MPRIP: variants seen among roughly 807,000 people sequenced by gnomAD.
The protein encoded by MPRIP is myosin phosphatase Rho interacting protein, also known as myosin phosphatase Rho-interacting protein.
In MPRIP, 59 loss-of-function variants were observed where a neutral mutation model predicts 234.9. The ratio of observed to expected loss-of-function variants is 0.25; its 90% CI spans 0.20 to 0.31. MPRIP has a LOEUF of 0.31. Among genes scored for constraint, MPRIP ranks in the 10% least tolerant of loss-of-function variants. The probability of loss-of-function intolerance (pLI) is 1.00; values close to 1 mark genes in which losing one functional copy is unlikely to be tolerated. For missense variants in MPRIP, 2,436 were observed against 3,071.0 expected (o/e 0.79, Z 4.89); for synonymous variants, 1,144 against 1,263.9 (o/e 0.91, Z 2.01).
In MPRIP at chr17:17,177,309, G is replaced by A. The variant is rs765899792; in HGVS notation, c.7017G>A (p.Lys2339=). ...KDIYTELSIA[K]AKADCDISRL... Reference sequence around the variant, plus strand: ...TCTACACAGAGCTCAGCATCGCGAAGGCTAAGGCTGACTGTGACATCAGCA... The same window carrying A: ...TCTACACAGAGCTCAGCATCGCGAAAGCTAAGGCTGACTGTGACATCAGCA... The change falls in exon 22 of 24, where the codon AAG becomes AAA. Residue 2339 remains lysine, a synonymous_variant. Coordinates refer to ENST00000651222, the MANE Select transcript of MPRIP (RefSeq NM_001364716.4). 1 of 1,614,050 alleles carries A rather than the reference G, an allele frequency of 6.2e-7. No homozygotes were observed. The highest frequency in any genetic ancestry group is 1.6e-4 in the Middle Eastern group (1 of 6,062).
intron 1 of MPRIP, among the ~76,000 whole-genome samples, chr17:17,063,096 G>A (rs2088915475): frequency 6.6e-6 from 1 of 152,256 alleles, no homozygotes; most frequent in Non-Finnish European, 1.5e-5. Flanking sequence ...ACTCCTGGGT[G>A]CTGACCAGCG....
In MPRIP at chr17:17,190,621, C is replaced by T. The variant is rs1365210656; in HGVS notation, c.*5727C>T. The stretch of plus-strand genomic sequence containing the variant: ...TTCAGAACTGTGAGCTTCAAGTATT[C>T]TTGCTTCTCTGTAAAGGGAAGACAT... On this transcript the variant is annotated 3_prime_UTR_variant, in exon 24 of 24. Coordinates refer to ENST00000651222, the MANE Select transcript of MPRIP (RefSeq NM_001364716.4). The T allele has an allele frequency of 6.6e-6, 1 of 152,216 alleles. No homozygotes were observed. Among genetic ancestry groups the T allele is most frequent in the East Asian group, 1.9e-4 (1 of 5,200 alleles). The allele number at this position is 152,216 out of a possible 1,614,324, so 9.4% of individuals were successfully genotyped here.
intron 16 of MPRIP, 156 bp from the exon 17 acceptor site, chr17:17,171,562 G>A (rs2046135143): frequency 1.2e-6 from 1 of 845,650 alleles, no homozygotes; most frequent in African/African-American, 1.7e-5. Flanking sequence ...ACAGCCCCAG[G>A]GATCCTGTTC....
At position 17,175,534 on chromosome 17, in the gene MPRIP, A is replaced by G. The variant is rs2046236906; in HGVS notation, c.6870+122A>G. On this transcript the variant is annotated intron_variant, in intron 20 of 23. Transcript: ENST00000651222. The stretch of plus-strand genomic sequence containing the variant: ...ACAGACCTGAGACAGCAGGAGTCAC[A>G]GGGTCCAGGAAGATCCAAATCACCC... 7 of 1,298,132 alleles carry G rather than the reference A, an allele frequency of 5.4e-6. No individual in the cohort carries two copies. The Admixed American group carries it at 1.5e-4, about 28-fold the overall frequency. The allele number at this position is 1,298,132 out of a possible 1,614,324, so 80.4% of individuals were successfully genotyped here. A position where few individuals can be genotyped will look rare whatever the true frequency, so the allele number is the denominator to read the frequency against.
At chr17:17,103,762 A>C (rs1254850835) in intron 3 of MPRIP, among the ~76,000 whole-genome samples, 1 of 152,214 alleles carries the variant, frequency 6.6e-6, no homozygotes, top group Non-Finnish European at 1.5e-5. Context: ...GCAGGAAAAC[A>C]GATTGGTTTT....
chr17:17,180,866 C>T (rs929707978), intron 23 of MPRIP, among the ~76,000 whole-genome samples: 2 of 152,264 alleles, frequency 1.3e-5, no homozygotes, highest in African/African-American at 2.4e-5. Context: ...TGAGGTGCTC[C>T]TCTAGCCTGG....
At chr17:17,059,889 C>T (rs2088820097) in intron 1 of MPRIP, among the ~76,000 whole-genome samples, 1 of 152,156 alleles carries the variant, frequency 6.6e-6, no homozygotes, top group Non-Finnish European at 1.5e-5. Flanking sequence ...GCAGTCCTGG[C>T]ATAATTAGCA....
At chr17:17,139,651 C>T (rs2090773273) in intron 7 of MPRIP, among the ~76,000 whole-genome samples, 1 of 152,204 alleles carries the variant, frequency 6.6e-6, no homozygotes, top group Non-Finnish European at 1.5e-5. Flanking sequence ...ACATCCTGCC[C>T]CCTTTTCTTC....
rs542209315 is a variant in MPRIP, at chr17:17,138,881, A to G, written c.1250+452A>G. Among the ~76,000 whole-genome samples the G allele has an allele frequency of 3.3e-5, 5 of 152,334 alleles. No homozygotes were observed. Among genetic ancestry groups the G allele is most frequent in the African/African-American group, 1.2e-4 (5 of 41,578 alleles). ...GGCACTGAGAGGTTCAGAGGCAGAC[A>G]GGCATGCCCAGGAAGGTGGGGGCAG... is the stretch of plus-strand genomic sequence containing the variant. On this transcript the variant is annotated intron_variant, in intron 7 of 23. Transcript: ENST00000651222. The surrounding 1 kb of genome is among the most constrained non-coding windows in gnomAD (Gnocchi z 5.8).
chr17:17,079,367 T>C (rs1448937926), intron 3 of MPRIP, among the ~76,000 whole-genome samples: 1 of 152,216 alleles, frequency 6.6e-6, no homozygotes, highest in Non-Finnish European at 1.5e-5. Context: ...GGTAGTGTAC[T>C]GGAGGTGAGC....
intron 3 of MPRIP, among the ~76,000 whole-genome samples, chr17:17,117,685 T>C (rs1012965838): frequency 1.2e-4 from 18 of 152,280 alleles, no homozygotes; most frequent in African/African-American, 4.3e-4. Context: ...TTTGTGTATA[T>C]GTTCGAGTAC....
intron 10 of MPRIP, 24 bp from the exon 11 acceptor site, chr17:17,147,295 C>G: frequency 6.2e-7 from 1 of 1,612,418 alleles, no homozygotes; most frequent in South Asian, 1.1e-5. Context: ...GTAGTCGAGT[C>G]ATTTTTCTTT....
intron 15 of MPRIP, 70 bp downstream of exon 15, chr17:17,161,426 C>A: frequency 1.7e-6 from 2 of 1,201,014 alleles, no homozygotes; most frequent in Non-Finnish European, 2.4e-6. Flanking sequence ...CATGCTCAGG[C>A]AGGCTAGGAG....
At chr17:17,079,731 A>T (rs571894470) in intron 3 of MPRIP, among the ~76,000 whole-genome samples, 1 of 152,332 alleles carries the variant, frequency 6.6e-6, no homozygotes, top group Admixed American at 6.5e-5. Flanking sequence ...TCAGTCAGGA[A>T]ATCTTTCTTT....
intron 1 of MPRIP, among the ~76,000 whole-genome samples, chr17:17,050,841 G>A (rs2088516830): frequency 6.6e-6 from 1 of 152,178 alleles, no homozygotes; most frequent in Admixed American, 6.5e-5. Context: ...TGAGGGCCGT[G>A]GTGGGCAGGC....
At chr17:17,170,177 A>G (rs1339033823) in intron 16 of MPRIP, 1 of 147,986 alleles carries the variant, frequency 6.8e-6, no homozygotes, top group African/African-American at 2.5e-5. Context: ...TTCATGAAGT[A>G]TTCCATATAT....
intron 1 of MPRIP, among the ~76,000 whole-genome samples, chr17:17,074,487 A>G (rs1008890582): frequency 2.6e-5 from 4 of 152,258 alleles, no homozygotes; most frequent in African/African-American, 7.2e-5. Context: ...AAGTTGAGCT[A>G]TAATTCACAT....
Position 17,165,728 on chromosome 17 carries a change from C to T in MPRIP, c.4137C>T (p.Tyr1379=), listed in dbSNP as rs1474314422. The part of the protein sequence containing the change: ...VLPATGDSDT[Y]LSIIHSLETK... ...CTGCAACTGGCGACTCTGACACGTACCTCTCCATCATCCACTCCCTGGAGA... is the reference window on the plus strand; with the variant it reads ...CTGCAACTGGCGACTCTGACACGTATCTCTCCATCATCCACTCCCTGGAGA... Residue 1379 remains tyrosine, a synonymous_variant, in exon 16 of 24, where the codon TAC becomes TAT. Transcript: ENST00000651222. The T allele has an allele frequency of 1.5e-6, 2 of 1,304,844 alleles. No individual in the cohort carries two copies. The highest frequency in any genetic ancestry group is 2.0e-6 in the Non-Finnish European group (2 of 988,988). The allele number at this position is 1,304,844 out of a possible 1,614,324, so 80.8% of individuals were successfully genotyped here.
rs77947821 is a variant in MPRIP, at chr17:17,168,727, C to T, written c.6324+812C>T. On this transcript the variant is annotated intron_variant, in intron 16 of 23. Coordinates refer to ENST00000651222, the MANE Select transcript of MPRIP (RefSeq NM_001364716.4). ...CAAAAGTTTACCATGATACCTGTGC[C>T]CTTATGTTCCTTCCACTCAGGAAGC... The T allele has an allele frequency of 9.1e-3, 3,537 of 390,254 alleles. 100 individuals are homozygous for T. The highest frequency in any genetic ancestry group is 0.064 in the African/African-American group (3,083 of 48,030). The allele number at this position is 390,254 out of a possible 1,614,324, so 24.2% of individuals were successfully genotyped here.
Sources: allele counts gnomAD v4.1 joint callset (sites outside exome capture counted in the v4.1 genomes callset), GRCh38; gene constraint gnomAD v4.1.1; non-coding constraint Gnocchi (gnomAD v3.1); transcripts MANE v1.5; gene names NCBI Gene and HGNC (gene_info 2026-07-23, HGNC 2026-07-21).